EEA1: variants seen among roughly 807,000 people sequenced by gnomAD.
The protein encoded by EEA1 is early endosome antigen 1, 162kD.
Under a neutral mutation model 209.2 loss-of-function variants are expected in EEA1, and 111 were observed. The ratio of observed to expected loss-of-function variants is 0.53; its 90% CI spans 0.45 to 0.62. The LOEUF (loss-of-function observed/expected upper bound fraction) is 0.62, where lower values mean the gene tolerates loss of function less well. Among genes scored for constraint, EEA1 ranks in the 20% least tolerant of loss-of-function variants. EEA1 has a pLI of 0.00. For synonymous variants in EEA1, 536 were observed against 540.6 expected, an observed-to-expected ratio of 0.99 and a Z score of 0.12; for missense variants, 1,343 against 1,530.8, an observed-to-expected ratio of 0.88 and a Z score of 2.05.
Position 92,853,923 on chromosome 12 carries a change from G to T in EEA1, c.398C>A (p.Ser133Ter). ...EAKPDGLVTD[S>*]SAELQSLEQQ... Reference sequence around the variant, plus strand: ...GCTTTAAGTAAAGTTACCTGCTGATGAATCAGTCACCAACCCATCAGGTTT... The same window carrying T: ...GCTTTAAGTAAAGTTACCTGCTGATTAATCAGTCACCAACCCATCAGGTTT... The change falls in exon 6 of 29, where the codon TCA becomes TAA. Residue 133 changes from serine (S) to a stop codon, truncating the protein, a stop_gained. Coordinates refer to ENST00000322349, the MANE Select transcript of EEA1 (RefSeq NM_003566.4). LOFTEE classifies it high-confidence loss of function. The T allele has an allele frequency of 6.2e-7, 1 of 1,600,790 alleles. No homozygotes were observed. The highest frequency in any genetic ancestry group is 1.1e-5 in the South Asian group (1 of 88,050).
intron 1 of EEA1, among the ~76,000 whole-genome samples, chr12:92,894,134 T>C (rs1879770126): frequency 6.6e-6 from 1 of 152,204 alleles, no homozygotes; most frequent in Non-Finnish European, 1.5e-5. Context: ...TTGAAGTTAC[T>C]ACTGCAATTG....
intron 9 of EEA1, among the ~76,000 whole-genome samples, chr12:92,845,371 T>C (rs1431293173): frequency 6.6e-6 from 1 of 152,116 alleles, no homozygotes; most frequent in African/African-American, 2.4e-5. Flanking sequence ...TGTTTATATT[T>C]GGGGAAAAAA....
intron 2 of EEA1, among the ~76,000 whole-genome samples, chr12:92,882,419 T>TC: frequency 6.6e-6 from 1 of 152,028 alleles, no homozygotes; most frequent in Non-Finnish European, 1.5e-5. Flanking sequence ...TTTTTTTTTT[T>TC]TTCCACTTTT....
chr12:92,817,372 C>A (rs1193152145), intron 14 of EEA1, among the ~76,000 whole-genome samples: 1 of 149,724 alleles, frequency 6.7e-6, no homozygotes, highest in African/African-American at 2.5e-5. Flanking sequence ...TTTTTTTTAC[C>A]ATTTCTGTTT....
chr12:92,880,497 C>G (rs1012416733), intron 2 of EEA1, among the ~76,000 whole-genome samples: 17 of 151,790 alleles, frequency 1.1e-4, no homozygotes, highest in African/African-American at 3.9e-4. Context: ...TTGGAGGGGG[C>G]GGAGTCTCAC....
At chr12:92,793,096 A>G (rs1281020118) in intron 21 of EEA1, among the ~76,000 whole-genome samples, 1 of 152,076 alleles carries the variant, frequency 6.6e-6, no homozygotes, top group Non-Finnish European at 1.5e-5. Context: ...CATGCTAAAA[A>G]CTCTCAACAA....
chr12:92,875,852 C>T (rs1878858186), intron 2 of EEA1, among the ~76,000 whole-genome samples: 1 of 152,066 alleles, frequency 6.6e-6, no homozygotes. Context: ...AGGCATATTC[C>T]CACCTTAGAG....
chr12:92,915,078 TTTAAA>T (rs1365487121), intron 1 of EEA1, among the ~76,000 whole-genome samples: 1 of 152,192 alleles, frequency 6.6e-6, no homozygotes, highest in Non-Finnish European at 1.5e-5. Flanking sequence ...ATATAAAATG[TTTAAA>T]TTAGTGTCTG....
rs1565812749 is a variant in EEA1 at position 92,799,063 on chromosome 12, T to C, written c.2796A>G (p.Glu932=). 6.3e-7 allele frequency: 1 copy of C among 1,594,024 alleles called. No homozygotes were observed. Among genetic ancestry groups the C allele is most frequent in the East Asian group, 2.3e-5 (1 of 44,436 alleles). ...TAAGTTGTTCCTGCATTGAATTGAG[T>C]TCCAATTTCAACTGATGAGAAGCCT... The part of the protein sequence containing the change: ...EKEASHQLKL[E]LNSMQEQLIQ... Residue 932 remains glutamate (E), a synonymous_variant, in exon 21 of 29, where the codon GAA becomes GAG. Coordinates refer to ENST00000322349, the MANE Select transcript of EEA1 (RefSeq NM_003566.4).
intron 3 of EEA1, chr12:92,857,929 G>T: frequency 4.6e-6 from 1 of 216,034 alleles, no homozygotes; most frequent in Non-Finnish European, 9.1e-6. Flanking sequence ...TTCATACTGA[G>T]AAAAAGCCCT....
chr12:92,880,851 C>A (rs774564972), intron 2 of EEA1, among the ~76,000 whole-genome samples: 2 of 152,092 alleles, frequency 1.3e-5, no homozygotes, highest in Non-Finnish European at 2.9e-5. Flanking sequence ...CTGCCAAGTA[C>A]AGCTAAAATT....
At position 92,842,528 on chromosome 12, in the gene EEA1, A is replaced by G; in HGVS notation, c.852T>C (p.Ala284=). ...GTTTTTGTAGTTCCTGTACATATAC[A>G]GCAACTTCCTGGGGGCCTTTGGCAA... ...SELAKGPQEV[A]VYVQELQKLK... The change falls in exon 10 of 29, where the codon GCT becomes GCC. Residue 284 remains alanine (A), a synonymous_variant. Transcript: ENST00000322349. The G allele has an allele frequency of 6.2e-7, 1 of 1,609,118 alleles. No individual in the cohort carries two copies. Among genetic ancestry groups the G allele is most frequent in the Non-Finnish European group, 8.5e-7 (1 of 1,178,368 alleles).
chr12:92,851,319 C>T (rs1877623062), intron 8 of EEA1, 53 bp from the exon 9 acceptor site: 52 of 1,506,972 alleles, frequency 3.5e-5, no homozygotes, highest in Non-Finnish European at 4.5e-5. Flanking sequence ...TAAAATAATA[C>T]ACATTTTTAG....
intron 21 of EEA1, among the ~76,000 whole-genome samples, chr12:92,789,912 G>A (rs769878600): frequency 2.8e-4 from 42 of 152,308 alleles, no homozygotes; most frequent in African/African-American, 9.9e-4. Flanking sequence ...CCTCTGGGAC[G>A]AAGCTTCCAG....
intron 2 of EEA1, among the ~76,000 whole-genome samples, chr12:92,874,972 T>A (rs73209509): frequency 0.26 from 39,510 of 152,110 alleles, 5,622 homozygotes; most frequent in Non-Finnish European, 0.32. Flanking sequence ...ATAGGTGTAA[T>A]TAAAATGTGT....
chr12:92,823,243 C>T (rs763937820), intron 13 of EEA1, among the ~76,000 whole-genome samples: 1 of 152,116 alleles, frequency 6.6e-6, no homozygotes. Flanking sequence ...CCTTCAATAC[C>T]TTTCCATCTT....
At chr12:92,872,321 T>C (rs1278608522) in intron 2 of EEA1, among the ~76,000 whole-genome samples, 2 of 152,074 alleles carry the variant, frequency 1.3e-5, no homozygotes, top group Admixed American at 6.5e-5. Context: ...GGTACTGGGA[T>C]TACAGGCGTG....
intron 15 of EEA1, among the ~76,000 whole-genome samples, chr12:92,814,370 A>G (rs1592716323): frequency 6.6e-6 from 1 of 152,200 alleles, no homozygotes. Context: ...GACTACAAAT[A>G]TATTTTTGCA....
At chr12:92,789,159 G>T (rs1410140071) in intron 21 of EEA1, among the ~76,000 whole-genome samples, 1 of 151,680 alleles carries the variant, frequency 6.6e-6, no homozygotes, top group Non-Finnish European at 1.5e-5. Context: ...GCATGGTGGT[G>T]GACACTTGTA....
Sources: allele counts gnomAD v4.1 joint callset (sites outside exome capture counted in the v4.1 genomes callset), GRCh38; gene constraint gnomAD v4.1.1; transcripts MANE v1.5; gene names NCBI Gene and HGNC (gene_info 2026-07-23, HGNC 2026-07-21).